GLI3: variants seen among roughly 807,000 people sequenced by gnomAD.
GLI3 encodes GLI family zinc finger 3.
Under a neutral mutation model 100.8 loss-of-function variants are expected in GLI3, and 20 were observed. The ratio of observed to expected loss-of-function variants is 0.20; its 90% CI spans 0.14 to 0.29. The LOEUF is 0.29. Among genes scored for constraint, GLI3 ranks in the 10% least tolerant of loss-of-function variants. The probability of loss-of-function intolerance (pLI) is 1.00; values close to 1 mark genes in which losing one functional copy is unlikely to be tolerated. For synonymous variants in GLI3, 938 were observed against 860.5 expected, an observed-to-expected ratio of 1.09 and a Z score of -1.58; for missense variants, 2,040 against 2,128.5, an observed-to-expected ratio of 0.96 and a Z score of 0.82.
chr7:41,993,822 T>G (rs1017733918), intron 10 of GLI3, among the ~76,000 whole-genome samples: 1 of 152,202 alleles, frequency 6.6e-6, no homozygotes, highest in Non-Finnish European at 1.5e-5. Context: ...AGCAATTTCC[T>G]GTGATTGCTC....
intron 1 of GLI3, among the ~76,000 whole-genome samples, chr7:42,260,862 G>T (rs936846496): frequency 6.6e-6 from 1 of 151,634 alleles, no homozygotes; most frequent in African/African-American, 2.4e-5. Flanking sequence ...GTGAAATAAA[G>T]GATGACTCCT....
Position 41,987,095 on chromosome 7 carries a change from G to C in GLI3, c.1498-8347C>G, listed in dbSNP as rs1016246682. Among the ~76,000 whole-genome samples the C allele has an allele frequency of 2.9e-3, 210 of 73,288 alleles. 1 individual carries two copies. The highest frequency in any genetic ancestry group is 0.011 in the African/African-American group (204 of 19,148). 48.1% of individuals were successfully genotyped at this position (73,288 alleles called of 152,430 possible). A position where few individuals can be genotyped will look rare whatever the true frequency, so the allele number is the denominator to read the frequency against. ...TTCTGCTACAACATACACAGACACAGACACAGACACACACACACACACACA... is the reference window on the plus strand; with the variant it reads ...TTCTGCTACAACATACACAGACACACACACAGACACACACACACACACACA... On this transcript the variant is annotated intron_variant, in intron 10 of 14. Coordinates refer to ENST00000395925, the MANE Select transcript of GLI3 (RefSeq NM_000168.6).
intron 1 of GLI3, among the ~76,000 whole-genome samples, chr7:42,236,601 A>C (rs908661570): frequency 2.6e-5 from 4 of 152,164 alleles, no homozygotes; most frequent in African/African-American, 9.6e-5. Flanking sequence ...GCCACCGCGC[A>C]AAGGAAGGAG....
intron 7 of GLI3, among the ~76,000 whole-genome samples, chr7:42,033,413 A>G (rs1014318575): frequency 6.6e-6 from 1 of 152,258 alleles, no homozygotes; most frequent in African/African-American, 2.4e-5. Context: ...ACTGGAATTA[A>G]GAAACTTCAT....
chr7:42,142,189 A>C (rs1786584650), intron 3 of GLI3, among the ~76,000 whole-genome samples: 1 of 152,186 alleles, frequency 6.6e-6, no homozygotes, highest in South Asian at 2.1e-4. Context: ...GTTGTTAGAT[A>C]GGCCTTTAAA....
In GLI3 at chr7:42,182,493, C is replaced by T. The variant is rs895486271; in HGVS notation, c.125-34025G>A. On this transcript the variant is annotated intron_variant, in intron 2 of 14. Transcript: ENST00000395925. ...AACGCATGCTCTTTACCCAAAGAGC[C>T]GAAGTTTCTCCTTAAACTTTTTCGC... 6.0e-5 allele frequency among the ~76,000 whole-genome samples: 9 copies of T among 150,242 alleles called. No individual in the cohort carries two copies. In the South Asian group the frequency reaches 6.3e-4, roughly 11 times the overall value.
intron 10 of GLI3, among the ~76,000 whole-genome samples, chr7:41,990,890 G>GTA (rs1215030818): frequency 6.6e-6 from 1 of 151,948 alleles, no homozygotes; most frequent in African/African-American, 2.4e-5. Context: ...GTGTGTGTGT[G>GTA]TGTGTGTGTG....
chr7:41,983,221 C>G (rs1787723408), intron 10 of GLI3, among the ~76,000 whole-genome samples: 1 of 152,050 alleles, frequency 6.6e-6, no homozygotes, highest in Non-Finnish European at 1.5e-5. Flanking sequence ...AGCCCTCAAG[C>G]CTGAGAAAGC....
rs766672772 is a variant in GLI3 at position 42,148,281 on chromosome 7, G to A, written c.312C>T (p.Tyr104=). The part of the protein sequence containing the change: ...LPHVAEPSVP[Y]RGTVFAMDPR... ...GGTCCATGGCAAACACCGTCCCGCG[G>A]TACGGCACAGAGGGCTCCGCCACGT... Residue 104 remains tyrosine (Y), a synonymous_variant, in exon 3 of 15, where the codon TAC becomes TAT. Coordinates refer to ENST00000395925, the MANE Select transcript of GLI3 (RefSeq NM_000168.6). The A allele has an allele frequency of 1.2e-6, 2 of 1,613,122 alleles. No individual in the cohort carries two copies. Among genetic ancestry groups the A allele is most frequent in the Non-Finnish European group, 1.7e-6 (2 of 1,179,516 alleles).
rs150614457 is a variant in GLI3, at chr7:42,078,561, G to A, written c.368-1704C>T. ...TTTACTGAAATGTCAATGACTCACC[G>A]TACTTTGTGACTGTCATAAGATTGA... On this transcript the variant is annotated intron_variant, in intron 3 of 14. Coordinates refer to ENST00000395925, the MANE Select transcript of GLI3 (RefSeq NM_000168.6). 3.7e-3 allele frequency among the ~76,000 whole-genome samples: 560 copies of A among 152,140 alleles called. 4 individuals carry two copies. The highest frequency in any genetic ancestry group is 0.013 in the African/African-American group (533 of 41,484).
At chr7:42,058,549 A>G (rs1784507073) in intron 4 of GLI3, among the ~76,000 whole-genome samples, 1 of 152,240 alleles carries the variant, frequency 6.6e-6, no homozygotes, top group Non-Finnish European at 1.5e-5. Context: ...TAACATAAAT[A>G]ATAACATATC....
chr7:42,262,764 C>T (rs1400426536), intron 1 of GLI3, among the ~76,000 whole-genome samples: 1 of 152,138 alleles, frequency 6.6e-6, no homozygotes, highest in East Asian at 1.9e-4. Context: ...TTATCCATTC[C>T]TAAGAATTTT....
At chr7:42,014,726 T>A in intron 10 of GLI3, among the ~76,000 whole-genome samples, 1 of 152,160 alleles carries the variant, frequency 6.6e-6, no homozygotes, top group East Asian at 1.9e-4. Context: ...ATGCTCCCCT[T>A]ACTCAAAGGG....
chr7:41,968,763 G>GGAAAGAAAGAAAGAAAGAAAGAAA (rs71006451), intron 13 of GLI3, among the ~76,000 whole-genome samples: 13 of 56,746 alleles, frequency 2.3e-4, no homozygotes, highest in African/African-American at 8.9e-4. Context: ...AAAGAAAGAA[G>GGAAAGAAAGAAAGAAAGAAAGAAA]GAAAGAAAGA....
chr7:41,966,472 G>A lies in GLI3; in HGVS notation c.2601C>T (p.Ile867=). The A allele has an allele frequency of 1.9e-6, 3 of 1,613,242 alleles. No homozygotes were observed. Among genetic ancestry groups the A allele is most frequent in the Non-Finnish European group, 2.5e-6 (3 of 1,179,866 alleles). ...AYLSSRRSSG[I]SPCFSSRRSS... ...AGCGGCGGCTGGAGAAGCAGGGCGA[G>A]ATCCCTGAGGAGCGGCGGCTGCTCA... is the stretch of plus-strand genomic sequence containing the variant. The change falls in exon 15 of 15, where the codon ATC becomes ATT. Residue 867 remains isoleucine (I), a synonymous_variant. Coordinates refer to ENST00000395925, the MANE Select transcript of GLI3 (RefSeq NM_000168.6). This position sits in a 1 kb window ranked among gnomAD's most constrained non-coding sequence, Gnocchi z 5.8.
Position 41,966,199 on chromosome 7 carries a change from C to G in GLI3, c.2874G>C (p.Ala958=). ...MERMSLKTRL[A]LLGDALEPGV... ...CAGGCTCGAGGGCATCCCCGAGCAG[C>G]GCCAGGCGCGTCTTCAGGCTCATCC... is the stretch of plus-strand genomic sequence containing the variant. The change falls in exon 15 of 15, where the codon GCG becomes GCC. Residue 958 remains alanine, a synonymous_variant. Coordinates refer to ENST00000395925, the MANE Select transcript of GLI3 (RefSeq NM_000168.6). This position sits in a 1 kb window ranked among gnomAD's most constrained non-coding sequence, Gnocchi z 5.8. 1 of 1,606,162 alleles carries G rather than the reference C, an allele frequency of 6.2e-7. No homozygotes were observed. The highest frequency in any genetic ancestry group is 1.1e-5 in the South Asian group (1 of 90,602).
chr7:42,085,559 C>G (rs1785086818), intron 3 of GLI3, among the ~76,000 whole-genome samples: 2 of 152,124 alleles, frequency 1.3e-5, no homozygotes, highest in Non-Finnish European at 2.9e-5. Context: ...CTCAAAAAAG[C>G]TAAATGATCT....
intron 10 of GLI3, among the ~76,000 whole-genome samples, chr7:42,001,649 G>T (rs1788299691): frequency 6.6e-6 from 1 of 152,202 alleles, no homozygotes; most frequent in Non-Finnish European, 1.5e-5. Flanking sequence ...TTTCAGGAAA[G>T]AAGAAGCCAT....
chr7:42,238,395 C>G (rs909836218), upstream of GLI3, among the ~76,000 whole-genome samples: 1 of 152,290 alleles, frequency 6.6e-6, no homozygotes, highest in East Asian at 1.9e-4. Flanking sequence ...TACATTTTCC[C>G]AAAGCCATCC....
Sources: allele counts gnomAD v4.1 joint callset (sites outside exome capture counted in the v4.1 genomes callset), GRCh38; gene constraint gnomAD v4.1.1; non-coding constraint Gnocchi (gnomAD v3.1); transcripts MANE v1.5; gene names NCBI Gene and HGNC (gene_info 2026-07-23, HGNC 2026-07-21).